The following KAZN variants were observed in gnomAD, a reference collection of about 807,000 sequenced individuals.
KAZN encodes kazrin, periplakin interacting protein.
A neutral mutation model predicts 87.4 loss-of-function variants in KAZN; 40 were observed. The observed-to-expected ratio is 0.46, with a 90% CI of 0.36 to 0.60. The LOEUF (loss-of-function observed/expected upper bound fraction) is 0.60, where lower values mean the gene tolerates loss of function less well. Among genes scored for constraint, KAZN ranks in the 20% least tolerant of loss-of-function variants. The pLI, the probability that KAZN is intolerant of heterozygous loss-of-function variation, is 0.00. For missense variants in KAZN, 898 were observed against 1,073.9 expected (o/e 0.84, Z 2.29); for synonymous variants, 466 against 458.3 (o/e 1.02, Z -0.22).
At chr1:14,576,274 T>C (rs978299520) in intron 2 of KAZN, among the ~76,000 whole-genome samples, 8 of 151,956 alleles carry the variant, frequency 5.3e-5, no homozygotes, top group African/African-American at 1.9e-4. Flanking sequence ...AAACACTCAG[T>C]AAACTAGAAG....
At chr1:14,381,488 G>T (rs1199039349) in intron 2 of KAZN, among the ~76,000 whole-genome samples, 1 of 152,140 alleles carries the variant, frequency 6.6e-6, no homozygotes, top group African/African-American at 2.4e-5. Context: ...ATGACCAAGT[G>T]GGATTTATCC....
At chr1:14,347,695 C>A (rs925273445) in intron 2 of KAZN, among the ~76,000 whole-genome samples, 2 of 151,868 alleles carry the variant, frequency 1.3e-5, no homozygotes, top group African/African-American at 4.8e-5. Flanking sequence ...ATTATATATA[C>A]ATTATATGTT....
chr1:14,091,587 A>G (rs2101620000), intron 1 of KAZN, among the ~76,000 whole-genome samples: 1 of 152,320 alleles, frequency 6.6e-6, no homozygotes, highest in Non-Finnish European at 1.5e-5. Flanking sequence ...TCTTACTGTA[A>G]CATTTAAAAA....
intron 1 of KAZN, among the ~76,000 whole-genome samples, chr1:13,967,626 G>A (rs138451262): frequency 1.1e-4 from 17 of 152,316 alleles, no homozygotes; most frequent in Admixed American, 2.0e-4. Context: ...ATGATAGTGC[G>A]TTGCCTCTGG....
rs72867338 is a variant in KAZN at position 14,304,529 on chromosome 1, G to A, written c.249+123937G>A. On this transcript the variant is annotated intron_variant, in intron 2 of 16. Coordinates refer to the KAZN transcript ENST00000636203. ...TGGAAGCTTGCTAAAATCACATTCC[G>A]TTCTGAGGAAGTTTGGTCTATTTCT... 467 of 397,726 alleles carry A rather than the reference G, an allele frequency of 1.2e-3. 4 individuals are homozygous for A. Among genetic ancestry groups the A allele is most frequent in the African/African-American group, 8.3e-3 (406 of 48,686 alleles). 24.6% of individuals were successfully genotyped at this position (397,726 alleles called of 1,614,324 possible).
intron 1 of KAZN, among the ~76,000 whole-genome samples, chr1:14,850,960 G>A (rs942540946): frequency 6.6e-6 from 1 of 152,212 alleles, no homozygotes; most frequent in Non-Finnish European, 1.5e-5. Flanking sequence ...CAGTACCTGA[G>A]AGACAGCACG....
At chr1:14,317,050 T>C (rs1376544211) in intron 2 of KAZN, among the ~76,000 whole-genome samples, 1 of 151,942 alleles carries the variant, frequency 6.6e-6, no homozygotes, top group Admixed American at 6.6e-5. Flanking sequence ...TTAGGTCAGA[T>C]TGGTTGAGTA....
chr1:14,591,176 C>G (rs1440953262), intron 2 of KAZN, among the ~76,000 whole-genome samples: 6 of 152,000 alleles, frequency 3.9e-5, no homozygotes, highest in Admixed American at 3.3e-4. Context: ...ATAGTGCCCC[C>G]CCCCCATGGA....
intron 1 of KAZN, among the ~76,000 whole-genome samples, chr1:14,906,612 C>T (rs1352723572): frequency 6.6e-6 from 1 of 151,744 alleles, no homozygotes; most frequent in Non-Finnish European, 1.5e-5. Context: ...TATCACAAAA[C>T]ATATAAAGGG....
rs149895350 is a variant in KAZN, at chr1:15,109,434, G to C, written c.2049-2993G>C. ...GTACAGATGAGGAAACTGAGGCCCA[G>C]TAAGGTGTTTTACTCGCACCAGAAC... On this transcript the variant is annotated intron_variant, in intron 13 of 14. Coordinates refer to ENST00000376030, the MANE Select transcript of KAZN (RefSeq NM_201628.3). Among the ~76,000 whole-genome samples, 880 of 152,290 alleles carry C rather than the reference G, an allele frequency of 5.8e-3. 10 individuals are homozygous for C. Among genetic ancestry groups the C allele is most frequent in the African/African-American group, 0.02 (840 of 41,554 alleles).
intron 1 of KAZN, among the ~76,000 whole-genome samples, chr1:14,116,866 A>G (rs1373934491): frequency 6.6e-6 from 1 of 152,254 alleles, no homozygotes; most frequent in Non-Finnish European, 1.5e-5. Context: ...TAACCTGAAT[A>G]TGAGACATGG....
rs749117295 is a variant in KAZN at position 14,673,762 on chromosome 1, G to A, written c.226+74539G>A. Reference sequence around the variant, plus strand: ...ACAAAATCTTTGCTGAATTCTTGGCGCCGGTCAACCCCTTCCCCTTCCCTC... The same window carrying A: ...ACAAAATCTTTGCTGAATTCTTGGCACCGGTCAACCCCTTCCCCTTCCCTC... On this transcript the variant is annotated intron_variant, in intron 1 of 14. Coordinates refer to ENST00000376030, the MANE Select transcript of KAZN (RefSeq NM_201628.3). Among the ~76,000 whole-genome samples, 16 of 152,268 alleles carry A rather than the reference G, an allele frequency of 1.1e-4. 1 individual carries two copies. The highest frequency in any genetic ancestry group is 3.4e-4 in the African/African-American group (14 of 41,552).
chr1:14,516,554 C>T lies in KAZN; in HGVS notation c.250-82429C>T, dbSNP rs778307402. Among the ~76,000 whole-genome samples the T allele has an allele frequency of 8.5e-5, 13 of 152,302 alleles. No homozygotes were observed. In the South Asian group the frequency reaches 1.2e-3, roughly 15 times the overall value. On this transcript the variant is annotated intron_variant, in intron 2 of 16. Coordinates refer to the KAZN transcript ENST00000636203. ...TGTTAGGAAGCAGAGTTCTCTTCTG[C>T]GAGAAACAACAGACTCTTAACAAAT...
At chr1:14,885,273 C>G (rs1191997065) in intron 1 of KAZN, among the ~76,000 whole-genome samples, 1 of 152,078 alleles carries the variant, frequency 6.6e-6, no homozygotes, top group African/African-American at 2.4e-5. Flanking sequence ...CTCCCCCTAG[C>G]CACTCCTACG....
intron 2 of KAZN, among the ~76,000 whole-genome samples, chr1:14,507,002 A>C (rs141253951): frequency 2.2e-4 from 33 of 152,330 alleles, no homozygotes; most frequent in African/African-American, 7.9e-4. Flanking sequence ...GTGCATCCGC[A>C]TAAATTAGGC....
In KAZN at chr1:15,065,756, A is replaced by ACCG; in HGVS notation, c.1222+6_1222+8dup. The ACCG allele has an allele frequency of 6.2e-7, 1 of 1,614,180 alleles. No homozygotes were observed. The highest frequency in any genetic ancestry group is 8.5e-7 in the Non-Finnish European group (1 of 1,179,994). ...CCTCGACCCCGGCCTCTTTGATGGT[A>ACCG]CCGCCCCTGATTATTACATAGAGGA... is the stretch of plus-strand genomic sequence containing the variant. On this transcript the variant is annotated splice_donor_region_variant and intron_variant, in intron 8 of 14. Transcript: ENST00000376030.
chr1:15,089,732 CAAAAAAAAAAAAAAA>C (rs56260619), intron 8 of KAZN, among the ~76,000 whole-genome samples: 15 of 68,918 alleles, frequency 2.2e-4, no homozygotes, highest in South Asian at 4.6e-4. Flanking sequence ...CTTTTATTGG[CAAAAAAAAAAAAAAA>C]AAAAAAAAAA....
intron 2 of KAZN, among the ~76,000 whole-genome samples, chr1:14,370,264 G>A (rs1350820147): frequency 6.6e-6 from 1 of 152,194 alleles, no homozygotes; most frequent in Non-Finnish European, 1.5e-5. Context: ...GGGAGGACTG[G>A]TCCTGGGTAG....
At chr1:15,036,605 C>G (rs761519191) in intron 3 of KAZN, among the ~76,000 whole-genome samples, 13 of 152,068 alleles carry the variant, frequency 8.5e-5, no homozygotes, top group Non-Finnish European at 1.5e-4. Context: ...GGGTGCAGCT[C>G]GTGGGCCTGG....
Sources: gnomAD v4.1 joint callset for allele counts (sites outside exome capture counted in the v4.1 genomes callset) on GRCh38, gnomAD v4.1.1 for gene constraint, MANE v1.5 for transcripts, NCBI Gene and HGNC (gene_info 2026-07-23, HGNC 2026-07-21) for gene names.